The following ADGRL3 variants were observed in gnomAD, a reference collection of about 807,000 sequenced individuals.
ADGRL3 encodes calcium-independent alpha-latrotoxin receptor 3.
In ADGRL3, 62 loss-of-function variants were observed where a neutral mutation model predicts 153.5. That is an observed-to-expected ratio of 0.40 (90% confidence interval 0.33 to 0.50). The LOEUF is 0.50. Among genes scored for constraint, ADGRL3 ranks in the 20% least tolerant of loss-of-function variants. ADGRL3 has a pLI of 0.47. For synonymous variants in ADGRL3, 710 were observed against 672.5 expected, an observed-to-expected ratio of 1.06 and a Z score of -0.86; for missense variants, 1,641 against 1,859.4, an observed-to-expected ratio of 0.88 and a Z score of 2.16.
chr4:61,307,864 T>G (rs2094850258), intron 1 of ADGRL3, among the ~76,000 whole-genome samples: 1 of 152,176 alleles, frequency 6.6e-6, no homozygotes, highest in South Asian at 2.1e-4. Context: ...TATGAATTAA[T>G]CATATTCTCC....
intron 1 of ADGRL3, among the ~76,000 whole-genome samples, chr4:61,250,820 A>G (rs906986953): frequency 6.6e-6 from 1 of 152,162 alleles, no homozygotes; most frequent in African/African-American, 2.4e-5. Context: ...TTAAATGCCT[A>G]AAGACTTAGT....
At chr4:61,274,144 G>C (rs749208758) in intron 1 of ADGRL3, among the ~76,000 whole-genome samples, 11 of 152,134 alleles carry the variant, frequency 7.2e-5, no homozygotes, top group Non-Finnish European at 1.3e-4. Context: ...GAATAGCTTT[G>C]GTAAGAAAAA....
At chr4:61,932,034 C>CAT (rs942865922) in intron 13 of ADGRL3, among the ~76,000 whole-genome samples, 9 of 151,616 alleles carry the variant, frequency 5.9e-5, no homozygotes, top group Non-Finnish European at 8.8e-5. Flanking sequence ...CATATACATT[C>CAT]ATATATATAT....
At chr4:61,725,428 TA>T in intron 6 of ADGRL3, among the ~76,000 whole-genome samples, 1 of 151,868 alleles carries the variant, frequency 6.6e-6, no homozygotes, top group Non-Finnish European at 1.5e-5. Context: ...CCATCTCTAC[TA>T]AAAATACAAA....
chr4:61,780,113 A>C (rs538094007), intron 8 of ADGRL3, among the ~76,000 whole-genome samples: 3 of 152,336 alleles, frequency 2.0e-5, no homozygotes, highest in African/African-American at 7.2e-5. Flanking sequence ...CAATATATAT[A>C]TACTACCTTC....
chr4:61,612,768 C>A (rs570341042), intron 5 of ADGRL3, among the ~76,000 whole-genome samples: 25 of 152,060 alleles, frequency 1.6e-4, no homozygotes, highest in Non-Finnish European at 3.2e-4. Context: ...ACTCTGAACA[C>A]CCTTAATTAC....
intron 23 of ADGRL3, 48 bp downstream of exon 23, chr4:62,031,658 A>C (rs1581971031): frequency 7.6e-7 from 1 of 1,313,952 alleles, no homozygotes; most frequent in East Asian, 2.3e-5. Context: ...ACATTTCATG[A>C]TAGCAAAGCA....
At chr4:61,487,329 G>A (rs571941203) in intron 2 of ADGRL3, among the ~76,000 whole-genome samples, 3 of 152,212 alleles carry the variant, frequency 2.0e-5, no homozygotes, top group Admixed American at 6.5e-5. Context: ...GAATAAGATA[G>A]CCCCTTCCTT....
intron 5 of ADGRL3, among the ~76,000 whole-genome samples, chr4:61,647,705 A>G (rs1230366923): frequency 6.6e-6 from 1 of 152,194 alleles, no homozygotes; most frequent in Non-Finnish European, 1.5e-5. Flanking sequence ...TATCAATAAG[A>G]ATGCAAAAAT....
intron 2 of ADGRL3, among the ~76,000 whole-genome samples, chr4:61,456,488 GATATATCTATATCTATAT>G (rs2097756956): frequency 1.9e-5 from 1 of 52,960 alleles, no homozygotes; most frequent in Non-Finnish European, 4.5e-5. Flanking sequence ...TATATATATA[GATATATCTATATCTATAT>G]ATATATAACT....
intron 2 of ADGRL3, among the ~76,000 whole-genome samples, chr4:61,392,121 G>C (rs1486792604): frequency 6.6e-6 from 1 of 150,696 alleles, no homozygotes; most frequent in Non-Finnish European, 1.5e-5. Flanking sequence ...CACCCGCCTG[G>C]GCCTCCCAAA....
chr4:61,706,907 C>T (rs1423913411), intron 6 of ADGRL3, among the ~76,000 whole-genome samples: 1 of 152,188 alleles, frequency 6.6e-6, no homozygotes, highest in Non-Finnish European at 1.5e-5. Flanking sequence ...TAACTTTCAG[C>T]CTATTTCAGC....
chr4:61,617,505 C>A (rs1237435222), intron 5 of ADGRL3, among the ~76,000 whole-genome samples: 2 of 152,132 alleles, frequency 1.3e-5, no homozygotes, highest in Non-Finnish European at 1.5e-5. Context: ...TTTCCGTGGT[C>A]ACCAACTGGT....
chr4:61,518,791 A>C (rs1254925306), intron 4 of ADGRL3, among the ~76,000 whole-genome samples: 4 of 152,214 alleles, frequency 2.6e-5, no homozygotes, highest in African/African-American at 9.6e-5. Flanking sequence ...AATGGACTCC[A>C]GTGTGTTCTC....
intron 11 of ADGRL3, among the ~76,000 whole-genome samples, chr4:61,899,852 G>T (rs2098654323): frequency 6.6e-6 from 1 of 152,096 alleles, no homozygotes; most frequent in African/African-American, 2.4e-5. Flanking sequence ...AGCTCTCTGG[G>T]GCCTCATTTA....
chr4:62,017,557 A>AT (rs1196900632), intron 21 of ADGRL3, among the ~76,000 whole-genome samples: 1 of 151,778 alleles, frequency 6.6e-6, no homozygotes, highest in East Asian at 1.9e-4. Context: ...ACATTTTGTT[A>AT]TTTAATAGCT....
chr4:61,841,411 T>C (rs1266113593), intron 9 of ADGRL3, among the ~76,000 whole-genome samples: 1 of 152,182 alleles, frequency 6.6e-6, no homozygotes, highest in Non-Finnish European at 1.5e-5. Context: ...CAGTAGCTTG[T>C]ACCCGGGAGG....
At chr4:61,240,226 G>A (rs923639588) in intron 1 of ADGRL3, among the ~76,000 whole-genome samples, 1 of 151,966 alleles carries the variant, frequency 6.6e-6, no homozygotes, top group Non-Finnish European at 1.5e-5. Flanking sequence ...GGCAAAAAGG[G>A]GCCCAGCTAT....
intron 1 of ADGRL3, among the ~76,000 whole-genome samples, chr4:61,260,978 G>T (rs1009873520): frequency 6.6e-6 from 1 of 151,852 alleles, no homozygotes; most frequent in Non-Finnish European, 1.5e-5. Context: ...CTCCCCTCTT[G>T]GCATCCCAAA....
Sources: allele counts gnomAD v4.1 joint callset (sites outside exome capture counted in the v4.1 genomes callset), GRCh38; gene constraint gnomAD v4.1.1; transcripts MANE v1.5; gene names NCBI Gene and HGNC (gene_info 2026-07-23, HGNC 2026-07-21).